EYS: variants seen among roughly 807,000 people sequenced by gnomAD.
The protein encoded by EYS is EGF-like photoreceptor maintenance factor.
In EYS, 250 loss-of-function variants were observed where a neutral mutation model predicts 282.1. The ratio of observed to expected loss-of-function variants is 0.89; its 90% CI spans 0.80 to 0.98. The LOEUF (loss-of-function observed/expected upper bound fraction) is 0.98, where lower values mean the gene tolerates loss of function less well. Among genes scored for constraint, EYS ranks in the 50% least tolerant of loss-of-function variants. The pLI, the probability that EYS is intolerant of heterozygous loss-of-function variation, is 0.00. For synonymous variants in EYS, 1,355 were observed against 1,282.9 expected (o/e 1.06, Z -1.20); for missense variants, 4,016 against 3,709.0 (o/e 1.08, Z -2.15).
At chr6:64,300,435 T>C (rs955097815) in intron 30 of EYS, among the ~76,000 whole-genome samples, 5 of 152,092 alleles carry the variant, frequency 3.3e-5, no homozygotes, top group African/African-American at 9.7e-5. Context: ...ATAAGTAAAA[T>C]TGAAGAATTT....
intron 26 of EYS, among the ~76,000 whole-genome samples, chr6:64,581,256 C>T (rs1464376123): frequency 6.6e-6 from 1 of 151,980 alleles, no homozygotes; most frequent in African/African-American, 2.4e-5. Context: ...AAGTGGTCAG[C>T]ATGTGAAGAG....
intron 41 of EYS, among the ~76,000 whole-genome samples, chr6:63,736,568 G>A (rs1040366635): frequency 5.3e-4 from 80 of 152,128 alleles, no homozygotes; most frequent in Non-Finnish European, 8.7e-4. Context: ...TTGGCGATGC[G>A]GGCTCTTTTT....
chr6:65,459,545 T>G (rs1172536595), intron 5 of EYS, among the ~76,000 whole-genome samples: 1 of 151,982 alleles, frequency 6.6e-6, no homozygotes. Flanking sequence ...ATATTTTAAA[T>G]CTGACAATTT....
intron 31 of EYS, among the ~76,000 whole-genome samples, chr6:64,129,341 T>C (rs553769309): frequency 1.4e-4 from 22 of 152,280 alleles, no homozygotes; most frequent in Admixed American, 1.0e-3. Context: ...TGGTGTCTCA[T>C]TGTGGTTTTG....
At chr6:65,521,844 A>T (rs1767384096) in intron 2 of EYS, among the ~76,000 whole-genome samples, 1 of 152,186 alleles carries the variant, frequency 6.6e-6, no homozygotes, top group Non-Finnish European at 1.5e-5. Context: ...TACTCATCAA[A>T]ATATTCCCAG....
chr6:65,320,723 T>G (rs1255188028), intron 11 of EYS, among the ~76,000 whole-genome samples: 3 of 152,200 alleles, frequency 2.0e-5, no homozygotes, highest in Non-Finnish European at 2.9e-5. Flanking sequence ...CCTTCAGGGA[T>G]TCTTTTAGCT....
chr6:64,110,165 A>C (rs1773158512), intron 31 of EYS, among the ~76,000 whole-genome samples: 1 of 151,244 alleles, frequency 6.6e-6, no homozygotes, highest in African/African-American at 2.5e-5. Flanking sequence ...ATAGAATCTA[A>C]AGAATCTTTT....
chr6:63,997,422 G>A (rs1026303738), intron 34 of EYS, among the ~76,000 whole-genome samples: 2 of 152,184 alleles, frequency 1.3e-5, no homozygotes, highest in Non-Finnish European at 2.9e-5. Context: ...GTTAACACAA[G>A]TTAGAAGGTA....
At chr6:65,594,186 G>A (rs1765325757) in intron 2 of EYS, among the ~76,000 whole-genome samples, 1 of 151,890 alleles carries the variant, frequency 6.6e-6, no homozygotes, top group Non-Finnish European at 1.5e-5. Flanking sequence ...TAGGCATAAT[G>A]CTAAGAACTT....
chr6:65,187,871 G>A (rs1245353442), intron 12 of EYS, among the ~76,000 whole-genome samples: 1 of 151,368 alleles, frequency 6.6e-6, no homozygotes, highest in Admixed American at 6.6e-5. Flanking sequence ...ATTAATTTTT[G>A]CCTTTGAGAT....
intron 12 of EYS, among the ~76,000 whole-genome samples, chr6:65,085,042 A>G (rs1273721615): frequency 2.6e-5 from 4 of 152,124 alleles, no homozygotes; most frequent in Admixed American, 2.0e-4. Flanking sequence ...AAAAAAACTG[A>G]TTTTTAGTCT....
intron 30 of EYS, among the ~76,000 whole-genome samples, chr6:64,274,481 G>T (rs1379144403): frequency 5.4e-5 from 5 of 92,226 alleles, no homozygotes; most frequent in African/African-American, 4.7e-5. Flanking sequence ...ACGCCTGGCC[G>T]TTTTTTTTTT....
In EYS at chr6:63,988,554, C is replaced by A. The variant is rs140859112; in HGVS notation, c.6835-3951G>T. 9.3e-3 allele frequency among the ~76,000 whole-genome samples: 1,409 copies of A among 151,700 alleles called. 14 individuals carry two copies. Among genetic ancestry groups the A allele is most frequent in the Non-Finnish European group, 0.015 (1,023 of 67,712 alleles). ...GCACACAGATTACCATTAAAATGGT[C>A]GACTTCCATTCCCAGACTTTCAATT... On this transcript the variant is annotated intron_variant, in intron 34 of 42. Coordinates refer to ENST00000503581, the MANE Select transcript of EYS (RefSeq NM_001142800.2).
intron 14 of EYS, among the ~76,000 whole-genome samples, chr6:64,981,732 C>T (rs1267712367): frequency 1.3e-5 from 2 of 151,162 alleles, no homozygotes; most frequent in African/African-American, 2.4e-5. Flanking sequence ...GTAGGGGAAT[C>T]CAAAAAGAAA....
chr6:64,150,076 C>T (rs1233564403), intron 31 of EYS, among the ~76,000 whole-genome samples: 1 of 152,194 alleles, frequency 6.6e-6, no homozygotes, highest in African/African-American at 2.4e-5. Flanking sequence ...AAGAATGATT[C>T]TAGGGCCTGG....
At chr6:64,689,433 G>T (rs1047315996) in intron 22 of EYS, among the ~76,000 whole-genome samples, 1 of 147,342 alleles carries the variant, frequency 6.8e-6, no homozygotes, top group East Asian at 2.0e-4. Context: ...TCCCCATCAA[G>T]CTACCAATGA....
intron 12 of EYS, among the ~76,000 whole-genome samples, chr6:65,094,759 C>T (rs565302390): frequency 1.7e-4 from 25 of 150,946 alleles, no homozygotes; most frequent in African/African-American, 5.8e-4. Context: ...TTATAAAAGC[C>T]TACACTATAA....
intron 28 of EYS, among the ~76,000 whole-genome samples, chr6:64,421,965 T>C (rs987098280): frequency 2.0e-5 from 3 of 151,306 alleles, no homozygotes; most frequent in Non-Finnish European, 4.4e-5. Context: ...TCAAGAAACA[T>C]TTCACAACAA....
intron 19 of EYS, among the ~76,000 whole-genome samples, chr6:64,837,650 A>T (rs1422146160): frequency 7.1e-6 from 1 of 141,740 alleles, no homozygotes; most frequent in East Asian, 2.0e-4. Context: ...GATATATATG[A>T]TATATGATAT....
Sources: allele counts gnomAD v4.1 joint callset (sites outside exome capture counted in the v4.1 genomes callset), GRCh38; gene constraint gnomAD v4.1.1; transcripts MANE v1.5; gene names NCBI Gene and HGNC (gene_info 2026-07-23, HGNC 2026-07-21).